Variants in XPO6 observed in about 807,000 individuals in gnomAD.
XPO6 encodes exportin 6.
A neutral mutation model predicts 130.0 loss-of-function variants in XPO6; 3 were observed. The observed-to-expected ratio is 0.02, with a 90% confidence interval of 0.01 to 0.06. The LOEUF is 0.06. XPO6 is among the 10% of genes least tolerant of loss of function. The probability of loss-of-function intolerance (pLI) is 1.00; values close to 1 mark genes in which losing one functional copy is unlikely to be tolerated. For missense variants in XPO6, 970 were observed against 1,393.0 expected (o/e 0.70, Z 4.83); for synonymous variants, 524 against 548.9 (o/e 0.95, Z 0.63).
chr16:28,194,211 C>G (rs921610398), intron 1 of XPO6, among the ~76,000 whole-genome samples: 1 of 152,102 alleles, frequency 6.6e-6, no homozygotes, highest in Non-Finnish European at 1.5e-5. Flanking sequence ...AGATATTTCA[C>G]TGGTGAGTCA....
chr16:28,171,917 C>T (rs1274957490), intron 4 of XPO6, among the ~76,000 whole-genome samples: 2 of 152,096 alleles, frequency 1.3e-5, no homozygotes, highest in Non-Finnish European at 2.9e-5. Context: ...CTTTCTTTCT[C>T]CTCTACCTCT....
chr16:28,119,521 G>T (rs1252657247), intron 14 of XPO6, among the ~76,000 whole-genome samples: 3 of 152,088 alleles, frequency 2.0e-5, no homozygotes, highest in African/African-American at 7.2e-5. Flanking sequence ...ATTAAGATCT[G>T]GATCTGCAAA....
intron 8 of XPO6, among the ~76,000 whole-genome samples, chr16:28,146,939 C>A (rs903793090): frequency 6.6e-6 from 1 of 152,124 alleles, no homozygotes; most frequent in African/African-American, 2.4e-5. Context: ...AAAGTCCAGG[C>A]AACACAATCT....
chr16:28,202,741 T>C (rs955594524), intron 1 of XPO6, among the ~76,000 whole-genome samples: 3 of 152,184 alleles, frequency 2.0e-5, no homozygotes, highest in Non-Finnish European at 4.4e-5. Context: ...TATCTACAGC[T>C]GGTGAGGGTT....
chr16:28,177,367 GA>G (rs749857600), intron 2 of XPO6, 35 bp from the exon 3 acceptor site: 2 of 1,279,436 alleles, frequency 1.6e-6, no homozygotes, highest in Non-Finnish European at 2.3e-6. Context: ...AGAAAGCTAT[GA>G]AAATACATGA....
chr16:28,147,200 A>G (rs1343926740), intron 8 of XPO6, among the ~76,000 whole-genome samples: 4 of 152,210 alleles, frequency 2.6e-5, no homozygotes, highest in African/African-American at 9.6e-5. Flanking sequence ...GAGGTGCCCA[A>G]GAAATAACTA....
chr16:28,199,566 C>G (rs1364685699), intron 1 of XPO6, among the ~76,000 whole-genome samples: 2 of 151,036 alleles, frequency 1.3e-5, no homozygotes, highest in African/African-American at 4.9e-5. Context: ...AGTGAGCCAC[C>G]ATGCCCGGCC....
intron 5 of XPO6, 47 bp from the exon 6 acceptor site, chr16:28,166,632 A>C (rs2303185): frequency 6.4e-7 from 1 of 1,551,798 alleles, no homozygotes; most frequent in Admixed American, 2.0e-5. Context: ...AATGTCCAGC[A>C]TATAAAAATC....
chr16:28,121,890 A>G, intron 13 of XPO6, 128 bp from the exon 14 acceptor site: 1 of 631,544 alleles, frequency 1.6e-6, no homozygotes, highest in Non-Finnish European at 2.8e-6. Flanking sequence ...AATCAAGACC[A>G]GACTTTCAAT....
chr16:28,175,661 C>T (rs1369402673), intron 4 of XPO6, among the ~76,000 whole-genome samples: 1 of 136,380 alleles, frequency 7.3e-6, no homozygotes, highest in Non-Finnish European at 1.6e-5. Context: ...CAAATACTGG[C>T]TGAACAAACT....
chr16:28,191,275 A>G lies in XPO6; in HGVS notation c.4-10244T>C, dbSNP rs550989815. 6.6e-5 allele frequency among the ~76,000 whole-genome samples: 10 copies of G among 152,354 alleles called. No homozygotes were observed. The South Asian group carries it at 1.9e-3, about 28-fold the overall frequency. ...ATATACTTATTTATATTCCAGTCAG[A>G]AGGCTTAATTAAACAGCCAAAAAAA... On this transcript the variant is annotated intron_variant, in intron 1 of 23. Coordinates refer to ENST00000304658, the MANE Select transcript of XPO6 (RefSeq NM_015171.4).
In XPO6 at chr16:28,101,931, G is replaced by T; in HGVS notation, c.2961C>A (p.Ser987=). 4 of 1,614,064 alleles carry T rather than the reference G, an allele frequency of 2.5e-6. No individual in the cohort carries two copies. Among genetic ancestry groups the T allele is most frequent in the Non-Finnish European group, 2.5e-6 (3 of 1,179,988 alleles). ...AAAGGTGGATGTCGGGCTGGAGAAA[G>T]GACTGTCCGAAAGCCTAGGAAATGA... ...FSAIMQAFGQ[S]FLQPDIHLFK... Residue 987 remains serine, a synonymous_variant, in exon 22 of 24, where the codon TCC becomes TCA. Transcript: ENST00000304658. The surrounding 1 kb of genome is among the most constrained non-coding windows in gnomAD (Gnocchi z 5.4).
intron 1 of XPO6, among the ~76,000 whole-genome samples, chr16:28,210,865 A>G (rs920390310): frequency 6.6e-6 from 1 of 152,102 alleles, no homozygotes; most frequent in Non-Finnish European, 1.5e-5. Flanking sequence ...TCCTACAATC[A>G]CCCAGCTCTC....
intron 15 of XPO6, among the ~76,000 whole-genome samples, chr16:28,114,008 C>T (rs986688070): frequency 6.6e-6 from 1 of 151,866 alleles, no homozygotes; most frequent in Non-Finnish European, 1.5e-5. Flanking sequence ...AAAGAATAAA[C>T]ACATATATGC....
In XPO6 at chr16:28,135,321, G is replaced by A. The variant is rs767769056; in HGVS notation, c.1338C>T (p.Tyr446=). Residue 446 remains tyrosine (Y), a synonymous_variant, in exon 10 of 24, where the codon TAC becomes TAT. Coordinates refer to ENST00000304658, the MANE Select transcript of XPO6 (RefSeq NM_015171.4). ...TGAGCAGGAGCACCAGGGCATCTTCGTACCTATGTGGCAGGGAGAAATTCA... is the reference window on the plus strand; with the variant it reads ...TGAGCAGGAGCACCAGGGCATCTTCATACCTATGTGGCAGGGAGAAATTCA... ...LGDKEAVLNR[Y]EDALVLLLTE... is the part of the protein sequence containing the mutation. 15 of 1,613,274 alleles carry A rather than the reference G, an allele frequency of 9.3e-6. No homozygotes were observed. The highest frequency in any genetic ancestry group is 1.7e-4 in the Middle Eastern group (1 of 6,060).
intron 14 of XPO6, among the ~76,000 whole-genome samples, chr16:28,118,171 T>C (rs2087120682): frequency 6.6e-6 from 1 of 152,190 alleles, no homozygotes. Context: ...TACTATGAGG[T>C]GACACAAAGA....
Position 28,098,599 on chromosome 16 carries a change from T to C in XPO6, c.3317A>G (p.Asn1106Ser), listed in dbSNP as rs1366402130. 6.2e-7 allele frequency: 1 copy of C among 1,612,740 alleles called. No individual in the cohort carries two copies. The highest frequency in any genetic ancestry group is 1.7e-5 in the Admixed American group (1 of 59,900). Residue 1106 changes from asparagine to serine, a missense_variant, in exon 24 of 24, where the codon AAC becomes AGC. Coordinates refer to ENST00000304658, the MANE Select transcript of XPO6 (RefSeq NM_015171.4). ...SFTQNVHRLV[N>S]DLRYYRLCND... ...GCAGAGTCTGTAGTAGCGCAGGTCG[T>C]TGACCAGCCTGTGCACATTCTGGGT...
At position 28,121,703 on chromosome 16, in the gene XPO6, A is replaced by C; in HGVS notation, c.1826T>G (p.Val609Gly). Residue 609 changes from valine to glycine, a missense_variant, in exon 14 of 24, where the codon GTG (valine) becomes GGG (glycine). Around this residue, in one of 4 missense-constraint regions of XPO6, gnomAD observed 936 missense variants for 1,306.8 expected, o/e 0.72. Coordinates refer to ENST00000304658, the MANE Select transcript of XPO6 (RefSeq NM_015171.4). ...GAGGTCAGGTTTCAATACTGATGGCACAGCAGTTTCAATGTTGTACAATTT... is the reference window on the plus strand; with the variant it reads ...GAGGTCAGGTTTCAATACTGATGGCCCAGCAGTTTCAATGTTGTACAATTT... ...QIKLYNIETA[V>G]PSVLKPDLID... The C allele has an allele frequency of 1.2e-6, 2 of 1,614,080 alleles. No individual in the cohort carries two copies. Among genetic ancestry groups the C allele is most frequent in the Non-Finnish European group, 1.7e-6 (2 of 1,179,914 alleles).
At position 28,158,170 on chromosome 16, in the gene XPO6, A is replaced by G. The variant is rs189076683; in HGVS notation, c.644-1643T>C. Among the ~76,000 whole-genome samples, 15 of 152,364 alleles carry G rather than the reference A, an allele frequency of 9.8e-5. No individual in the cohort carries two copies. The East Asian group carries it at 2.5e-3, about 25-fold the overall frequency. On this transcript the variant is annotated intron_variant, in intron 6 of 23. Coordinates refer to ENST00000304658, the MANE Select transcript of XPO6 (RefSeq NM_015171.4). ...TTAAAATACATGGACACAAAACAGT[A>G]AGTTCTTACAAGAACATGTTACCAA...
Sources: allele counts gnomAD v4.1 joint callset (sites outside exome capture counted in the v4.1 genomes callset), GRCh38; gene constraint gnomAD v4.1.1; regional missense constraint gnomAD v4.1.1; non-coding constraint Gnocchi (gnomAD v3.1); transcripts MANE v1.5; gene names NCBI Gene and HGNC (gene_info 2026-07-23, HGNC 2026-07-21).